Variants in AGAP1 observed in about 807,000 individuals in gnomAD.
The protein encoded by AGAP1 is arf-GAP with GTPase, ANK repeat and PH domain-containing protein 1.
Under a neutral mutation model 105.3 loss-of-function variants are expected in AGAP1, and 29 were observed. The ratio of observed to expected loss-of-function variants is 0.28; its 90% CI spans 0.21 to 0.38. The LOEUF (loss-of-function observed/expected upper bound fraction) is 0.38. AGAP1 is among the 10% of genes least tolerant of loss of function. The probability of loss-of-function intolerance (pLI) is 1.00; values close to 1 mark genes in which losing one functional copy is unlikely to be tolerated. For synonymous variants in AGAP1, 509 were observed against 485.9 expected (o/e 1.05, Z -0.63); for missense variants, 998 against 1,165.1 (o/e 0.86, Z 2.09).
chr2:235,565,857 C>T (rs1387082450), intron 1 of AGAP1, among the ~76,000 whole-genome samples: 1 of 151,504 alleles, frequency 6.6e-6, no homozygotes, highest in Non-Finnish European at 1.5e-5. Flanking sequence ...CAGGGTTTTA[C>T]CATGTTGCCC....
rs1192568831 is a variant in AGAP1 at position 236,024,039 on chromosome 2, T to G, written c.1646-12522T>G. Among the ~76,000 whole-genome samples, 166 of 148,458 alleles carry G rather than the reference T, an allele frequency of 1.1e-3. 1 individual carries two copies. The East Asian group carries it at 0.028, about 25-fold the overall frequency. ...GTTGGTTGTTTTTTTTTTTTGTTTTTTTTTTTTTTTGGAGACAGTCTCACT... is the reference window on the plus strand; with the variant it reads ...GTTGGTTGTTTTTTTTTTTTGTTTTGTTTTTTTTTTGGAGACAGTCTCACT... On this transcript the variant is annotated intron_variant, in intron 13 of 17. Coordinates refer to ENST00000304032, the MANE Select transcript of AGAP1 (RefSeq NM_001037131.3).
chr2:235,800,864 C>T (rs1010417943), intron 8 of AGAP1, among the ~76,000 whole-genome samples: 2 of 152,250 alleles, frequency 1.3e-5, no homozygotes, highest in African/African-American at 2.4e-5. Flanking sequence ...TTAGTGGTGC[C>T]CTGTTTTAAA....
In AGAP1 at chr2:236,005,060, G is replaced by A. The variant is rs111685059; in HGVS notation, c.1646-31501G>A. On this transcript the variant is annotated intron_variant, in intron 13 of 17. Transcript: ENST00000304032. The surrounding 1 kb of genome is among the most constrained non-coding windows in gnomAD (Gnocchi z 4.1). ...AGCTTTAGACTTTTAGAAAAATTGA[G>A]GAGATATTATAGGTTATTCCCATAG... Among the ~76,000 whole-genome samples the A allele has an allele frequency of 0.011, 1,606 of 152,244 alleles. 19 individuals carry two copies. The highest frequency in any genetic ancestry group is 0.034 in the Middle Eastern group (10 of 294).
At chr2:235,811,128 C>T (rs557379675) in intron 9 of AGAP1, among the ~76,000 whole-genome samples, 1 of 152,288 alleles carries the variant, frequency 6.6e-6, no homozygotes, top group Admixed American at 6.5e-5. Flanking sequence ...GTTTGGGGGA[C>T]AGCAGCTGTG....
chr2:235,595,109 G>A (rs1426847894), intron 1 of AGAP1, among the ~76,000 whole-genome samples: 1 of 152,148 alleles, frequency 6.6e-6, no homozygotes, highest in Non-Finnish European at 1.5e-5. Context: ...GTGTTTTGCA[G>A]AAAGGGAGTT....
rs140373062 is a variant in AGAP1, at chr2:235,777,540, G to A, written c.674-20219G>A. 3.8e-3 allele frequency among the ~76,000 whole-genome samples: 583 copies of A among 152,276 alleles called. 5 individuals are homozygous for A. The highest frequency in any genetic ancestry group is 3.8e-3 in the Non-Finnish European group (261 of 68,028). On this transcript the variant is annotated intron_variant, in intron 6 of 17. Coordinates refer to ENST00000304032, the MANE Select transcript of AGAP1 (RefSeq NM_001037131.3). The surrounding 1 kb of genome is among the most constrained non-coding windows in gnomAD (Gnocchi z 5.1). ...AACCGTTGTTTCACCAGCAAATTACGCTGGCTGTACTCGCCATGTCCTGTT... is the reference window on the plus strand; with the variant it reads ...AACCGTTGTTTCACCAGCAAATTACACTGGCTGTACTCGCCATGTCCTGTT...
At chr2:235,809,734 G>A (rs1958031424) in intron 9 of AGAP1, among the ~76,000 whole-genome samples, 1 of 152,122 alleles carries the variant, frequency 6.6e-6, no homozygotes, top group Non-Finnish European at 1.5e-5. Flanking sequence ...GATCACTTCA[G>A]GTAGCCTGAA....
At position 235,799,155 on chromosome 2, in the gene AGAP1, A is replaced by T. The variant is rs1420049607; in HGVS notation, c.802-212A>T. Among the ~76,000 whole-genome samples, 1 of 152,190 alleles carries T rather than the reference A, an allele frequency of 6.6e-6. No individual in the cohort carries two copies. Among genetic ancestry groups the T allele is most frequent in the Admixed American group, 6.5e-5 (1 of 15,274 alleles). ...TGTCTTCAGTCACTTTTCTCAGGGG[A>T]TGCCACTGAGTGAGATGATTGGCAT... On this transcript the variant is annotated intron_variant, in intron 7 of 17. Transcript: ENST00000304032. The surrounding 1 kb of genome is among the most constrained non-coding windows in gnomAD (Gnocchi z 5.0).
At chr2:235,653,878 G>GA (rs1437417538) in intron 1 of AGAP1, among the ~76,000 whole-genome samples, 2 of 152,172 alleles carry the variant, frequency 1.3e-5, no homozygotes, top group African/African-American at 4.8e-5. Flanking sequence ...CCAACATGGT[G>GA]AAACCCCGTC....
intron 3 of AGAP1, among the ~76,000 whole-genome samples, chr2:235,730,738 A>G (rs777247894): frequency 6.6e-6 from 1 of 152,220 alleles, no homozygotes; most frequent in Non-Finnish European, 1.5e-5. Flanking sequence ...TTAGTTGACC[A>G]TGCAGGCTAT....
chr2:235,683,597 A>G (rs1054109195), intron 1 of AGAP1, among the ~76,000 whole-genome samples: 3 of 151,832 alleles, frequency 2.0e-5, no homozygotes, highest in Non-Finnish European at 4.4e-5. Context: ...ATAACTTGTT[A>G]GAAAGGTGAA....
intron 16 of AGAP1, among the ~76,000 whole-genome samples, chr2:236,081,592 TC>T (rs1197359659): frequency 6.6e-6 from 1 of 152,024 alleles, no homozygotes; most frequent in African/African-American, 2.4e-5. Flanking sequence ...CATGACTCCT[TC>T]CTTAAAACAA....
At chr2:236,010,736 T>C (rs1297263526) in intron 13 of AGAP1, among the ~76,000 whole-genome samples, 1 of 152,214 alleles carries the variant, frequency 6.6e-6, no homozygotes, top group Admixed American at 6.5e-5. Flanking sequence ...GGGCTCTGTG[T>C]GTGTTTTCCG....
At chr2:235,956,691 A>G (rs1018874439) in intron 12 of AGAP1, among the ~76,000 whole-genome samples, 1 of 152,150 alleles carries the variant, frequency 6.6e-6, no homozygotes, top group African/African-American at 2.4e-5. Context: ...AGGCTGGGGG[A>G]CACCCCTTCA....
chr2:235,658,835 C>T (rs775434695), intron 1 of AGAP1, among the ~76,000 whole-genome samples: 36 of 152,168 alleles, frequency 2.4e-4, no homozygotes, highest in Non-Finnish European at 3.8e-4. Context: ...CTTGAGTTTT[C>T]GGCACCCTCC....
rs1951405225 is a variant in AGAP1, at chr2:235,721,887, T to G, written c.310+4243T>G. On this transcript the variant is annotated intron_variant, in intron 3 of 17. Coordinates refer to ENST00000304032, the MANE Select transcript of AGAP1 (RefSeq NM_001037131.3). This position sits in a 1 kb window ranked among gnomAD's most constrained non-coding sequence, Gnocchi z 4.5. ...TTCAGCAGATACATCAGATGCATTT[T>G]AGCTCCATCCCAGAGGGTAACATCT... Among the ~76,000 whole-genome samples, 1 of 152,228 alleles carries G rather than the reference T, an allele frequency of 6.6e-6. No individual in the cohort carries two copies. The highest frequency in any genetic ancestry group is 6.5e-5 in the Admixed American group (1 of 15,286).
At chr2:235,706,027 A>C (rs188396915) in intron 1 of AGAP1, among the ~76,000 whole-genome samples, 1 of 152,304 alleles carries the variant, frequency 6.6e-6, no homozygotes, top group East Asian at 1.9e-4. Context: ...TCACGATTTA[A>C]TTTCTTATGT....
intron 1 of AGAP1, among the ~76,000 whole-genome samples, chr2:235,538,526 T>C (rs1218298955): frequency 1.3e-5 from 2 of 151,268 alleles, no homozygotes; most frequent in African/African-American, 4.9e-5. Context: ...AGGGTCCTGT[T>C]CTCTGCACAG....
intron 12 of AGAP1, among the ~76,000 whole-genome samples, chr2:235,947,372 A>C (rs187621383): frequency 6.6e-6 from 1 of 152,148 alleles, no homozygotes; most frequent in Non-Finnish European, 1.5e-5. Flanking sequence ...ATGGTCTCCA[A>C]ATCTGCCCAG....
Sources: allele counts gnomAD v4.1 joint callset (sites outside exome capture counted in the v4.1 genomes callset), GRCh38; gene constraint gnomAD v4.1.1; non-coding constraint Gnocchi (gnomAD v3.1); transcripts MANE v1.5; gene names NCBI Gene and HGNC (gene_info 2026-07-23, HGNC 2026-07-21).